AK8: variants seen among roughly 807,000 people sequenced by gnomAD.
The protein encoded by AK8 is ATP-AMP transphosphorylase 8.
In AK8, 44 loss-of-function variants were observed where a neutral mutation model predicts 54.6. The ratio of observed to expected loss-of-function variants is 0.81; its 90% CI spans 0.63 to 1.04. AK8 has a LOEUF of 1.04. AK8 is among the 50% of genes least tolerant of loss of function. AK8 has a pLI of 0.00. For synonymous variants in AK8, 239 were observed against 245.6 expected (o/e 0.97, Z 0.25); for missense variants, 555 against 613.6 (o/e 0.90, Z 1.01).
At chr9:132,730,866 G>A (rs573076682) in intron 11 of AK8, among the ~76,000 whole-genome samples, 1 of 152,326 alleles carries the variant, frequency 6.6e-6, no homozygotes, top group Admixed American at 6.5e-5. Context: ...ATGTTTTACA[G>A]TGAGATGAGG....
At chr9:132,852,437 G>A (rs139063866) in intron 5 of AK8, among the ~76,000 whole-genome samples, 105 of 152,060 alleles carry the variant, frequency 6.9e-4, no homozygotes, top group African/African-American at 2.3e-3. Context: ...GTGAAACCTC[G>A]TCTCTACTAA....
At chr9:132,807,490 T>C (rs905900487) in intron 10 of AK8, among the ~76,000 whole-genome samples, 1 of 152,182 alleles carries the variant, frequency 6.6e-6, no homozygotes, top group African/African-American at 2.4e-5. Context: ...CCTCCCTGGA[T>C]AACCACCCTC....
intron 11 of AK8, among the ~76,000 whole-genome samples, chr9:132,743,841 A>G (rs1837510806): frequency 6.6e-6 from 1 of 152,194 alleles, no homozygotes; most frequent in Non-Finnish European, 1.5e-5. Flanking sequence ...TCGGGCTCTG[A>G]GAGGTGAAGT....
chr9:132,838,654 T>C (rs1842420486), intron 5 of AK8, among the ~76,000 whole-genome samples: 1 of 152,242 alleles, frequency 6.6e-6, no homozygotes, highest in African/African-American at 2.4e-5. Context: ...GTTTTTCTTC[T>C]AGGTAATGTA....
intron 11 of AK8, among the ~76,000 whole-genome samples, chr9:132,744,343 A>C (rs1314761770): frequency 6.6e-6 from 1 of 152,098 alleles, no homozygotes; most frequent in African/African-American, 2.4e-5. Context: ...GCATCTTCTG[A>C]AGAATTTCAT....
chr9:132,796,543 C>A (rs1174962248), intron 10 of AK8, among the ~76,000 whole-genome samples: 1 of 151,802 alleles, frequency 6.6e-6, no homozygotes, highest in East Asian at 1.9e-4. Context: ...GAATGTCCAT[C>A]AATAGAGGAC....
intron 10 of AK8, among the ~76,000 whole-genome samples, chr9:132,812,850 A>G: frequency 6.6e-6 from 1 of 151,526 alleles, no homozygotes; most frequent in Non-Finnish European, 1.5e-5. Context: ...CACCGCAGAC[A>G]CCCAGGACCA....
At position 132,725,587 on chromosome 9, in the gene AK8, G is replaced by T; in HGVS notation, c.*101C>A. The T allele has an allele frequency of 9.1e-7, 1 of 1,099,454 alleles. No homozygotes were observed. Among genetic ancestry groups the T allele is most frequent in the Non-Finnish European group, 1.3e-6 (1 of 766,918 alleles). 68.1% of individuals were successfully genotyped at this position (1,099,454 alleles called of 1,614,324 possible). On this transcript the variant is annotated 3_prime_UTR_variant, in exon 13 of 13. Transcript: ENST00000298545. The stretch of plus-strand genomic sequence containing the variant: ...TTCAGGACGTACGAGACTGTATCCA[G>T]CAGGCTTTATTGGCTTTTTAGGGGA...
At chr9:132,749,595 G>T (rs1250367864) in intron 11 of AK8, among the ~76,000 whole-genome samples, 1 of 151,938 alleles carries the variant, frequency 6.6e-6, no homozygotes, top group African/African-American at 2.4e-5. Context: ...TGACCCAGAA[G>T]AACTCGCGAC....
chr9:132,808,753 A>T (rs1208130533), intron 10 of AK8, among the ~76,000 whole-genome samples: 1 of 152,218 alleles, frequency 6.6e-6, no homozygotes, highest in Non-Finnish European at 1.5e-5. Context: ...TCTCTGGGGC[A>T]CGCAGCTCCA....
intron 2 of AK8, among the ~76,000 whole-genome samples, chr9:132,873,486 G>C (rs1843947932): frequency 2.0e-5 from 3 of 152,214 alleles, no homozygotes; most frequent in Admixed American, 1.3e-4. Flanking sequence ...CTTTCCACTC[G>C]CTCTTGGTTG....
At chr9:132,784,671 T>C (rs923674334) in intron 11 of AK8, among the ~76,000 whole-genome samples, 3 of 152,088 alleles carry the variant, frequency 2.0e-5, no homozygotes, top group African/African-American at 7.2e-5. Flanking sequence ...GAAAGAAACA[T>C]GATCAAAGAA....
chr9:132,727,550 C>T lies in AK8; in HGVS notation c.1122-16G>A, dbSNP rs1363695062. The T allele has an allele frequency of 6.2e-7, 1 of 1,606,680 alleles. No homozygotes were observed. Among genetic ancestry groups the T allele is most frequent in the Admixed American group, 1.7e-5 (1 of 60,006 alleles). On this transcript the variant is annotated splice_polypyrimidine_tract_variant and intron_variant, in intron 11 of 12. Coordinates refer to ENST00000298545, the MANE Select transcript of AK8 (RefSeq NM_152572.3). ...GAAAAACACCCTATAAGGAAATAAA[C>T]CATATTAATAATGGTTTTTATTTCC...
intron 9 of AK8, among the ~76,000 whole-genome samples, chr9:132,820,212 T>TAA (rs36016329): frequency 7.3e-4 from 100 of 136,428 alleles, no homozygotes; most frequent in East Asian, 2.8e-3. Context: ...ATGCTCACTG[T>TAA]AAAAAAAAAA....
upstream of AK8, chr9:132,878,470 C>G (rs908340436): frequency 1.5e-5 from 18 of 1,219,220 alleles, no homozygotes; most frequent in African/African-American, 2.2e-4. This position sits in a 1 kb window ranked among gnomAD's most constrained non-coding sequence, Gnocchi z 4.7. Flanking sequence ...CCTCGCTTTT[C>G]CCATTTGCGC....
intron 10 of AK8, among the ~76,000 whole-genome samples, chr9:132,812,571 A>ATGACAGG (rs1321289547): frequency 3.7e-4 from 1 of 2,672 alleles, no homozygotes; most frequent in South Asian, 0.011. Context: ...CCCGGCCGCT[A>ATGACAGG]GGTGGATTTG....
At position 132,860,842 on chromosome 9, in the gene AK8, G is replaced by A. The variant is rs1050848757; in HGVS notation, c.333+2823C>T. On this transcript the variant is annotated intron_variant, in intron 4 of 12. Transcript: ENST00000298545. This position sits in a 1 kb window ranked among gnomAD's most constrained non-coding sequence, Gnocchi z 4.4. ...TCCTGGGTGGGCTGCTGCAGATTGT[G>A]GGGCAGAGTCTTATGTTTACAGGAG... Among the ~76,000 whole-genome samples the A allele has an allele frequency of 6.6e-6, 1 of 152,192 alleles. No individual in the cohort carries two copies. Among genetic ancestry groups the A allele is most frequent in the Non-Finnish European group, 1.5e-5 (1 of 68,034 alleles).
At chr9:132,877,755 A>G (rs1199462388) in intron 1 of AK8, 1 of 445,782 alleles carries the variant, frequency 2.2e-6, no homozygotes, top group East Asian at 6.7e-5. Flanking sequence ...CACCTCAGAA[A>G]CCTGGGCCGA....
rs757916882 is a variant in AK8, at chr9:132,828,002, C to A, written c.556+11G>T. ...CCCCATGGGGCTGGGTGGGGGTGGC[C>A]GTAGCCATACCTCCAGTTTGAGGGT... is the stretch of plus-strand genomic sequence containing the variant. On this transcript the variant is annotated intron_variant, in intron 7 of 12. Transcript: ENST00000298545. 5 of 1,557,662 alleles carry A rather than the reference C, an allele frequency of 3.2e-6. No homozygotes were observed. The highest frequency in any genetic ancestry group is 3.5e-6 in the Non-Finnish European group (4 of 1,149,928).
Sources: gnomAD v4.1 joint callset for allele counts (sites outside exome capture counted in the v4.1 genomes callset) on GRCh38, gnomAD v4.1.1 for gene constraint, Gnocchi (gnomAD v3.1) non-coding constraint, MANE v1.5 for transcripts, NCBI Gene and HGNC (gene_info 2026-07-23, HGNC 2026-07-21) for gene names.